Variants in JPH3 observed in about 807,000 individuals in gnomAD.
JPH3 encodes the protein junctophilin 3.
JPH3 carries 11 observed loss-of-function variants against 59.6 expected under a neutral mutation model. The observed-to-expected ratio is 0.18, with a 90% CI of 0.12 to 0.31. JPH3 has a LOEUF of 0.31. JPH3 is among the 10% of genes least tolerant of loss of function. JPH3 has a pLI of 1.00. For synonymous variants in JPH3, 673 were observed against 483.6 expected, an observed-to-expected ratio of 1.39 and a Z score of -5.14; for missense variants, 1,202 against 1,105.7, an observed-to-expected ratio of 1.09 and a Z score of -1.24.
intron 1 of JPH3, among the ~76,000 whole-genome samples, chr16:87,606,179 C>A (rs562726821): frequency 2.6e-5 from 4 of 152,160 alleles, no homozygotes; most frequent in Admixed American, 1.3e-4. Flanking sequence ...ACAGCCATGT[C>A]GCAGTGAGGA....
intron 1 of JPH3, among the ~76,000 whole-genome samples, chr16:87,621,042 C>T (rs900122571): frequency 6.6e-6 from 1 of 152,218 alleles, no homozygotes; most frequent in Non-Finnish European, 1.5e-5. Flanking sequence ...GCCTGTAGTC[C>T]CAGCTACTCA....
intron 1 of JPH3, among the ~76,000 whole-genome samples, chr16:87,633,349 G>A (rs1201718767): frequency 2.0e-5 from 3 of 146,442 alleles, no homozygotes; most frequent in Non-Finnish European, 4.5e-5. Context: ...CAAACAAGGT[G>A]ACATTCTAAG....
rs1161894369 is a variant in JPH3, at chr16:87,617,351, G to A, written c.382+13823G>A. On this transcript the variant is annotated intron_variant, in intron 1 of 4. Coordinates refer to ENST00000284262, the MANE Select transcript of JPH3 (RefSeq NM_020655.4). ...CTGTCCCTTGAAGGGCATCTGGGGT[G>A]TCTCCAGCGTGGGATGTCGTGAATT... Among the ~76,000 whole-genome samples, 3 of 152,192 alleles carry A rather than the reference G, an allele frequency of 2.0e-5. No individual in the cohort carries two copies. The East Asian group carries it at 5.8e-4, about 29-fold the overall frequency.
intron 2 of JPH3, among the ~76,000 whole-genome samples, chr16:87,675,358 C>G (rs2033118248): frequency 6.6e-6 from 1 of 152,176 alleles, no homozygotes; most frequent in South Asian, 2.1e-4. Context: ...GCTCATTGCT[C>G]CAGTGACCCC....
rs1051860524 is a variant in JPH3 at position 87,608,487 on chromosome 16, G to A, written c.382+4959G>A. On this transcript the variant is annotated intron_variant, in intron 1 of 4. Coordinates refer to ENST00000284262, the MANE Select transcript of JPH3 (RefSeq NM_020655.4). ...GCTTCATGGCTGTGAGAGGCCATGC[G>A]GTGGATGGAGCCACCGCTGCACTGG... 3.3e-5 allele frequency among the ~76,000 whole-genome samples: 5 copies of A among 152,190 alleles called. No homozygotes were observed. The East Asian group carries it at 5.8e-4, about 18-fold the overall frequency.
intron 2 of JPH3, among the ~76,000 whole-genome samples, chr16:87,651,086 C>A (rs1004676235): frequency 1.3e-5 from 2 of 152,202 alleles, no homozygotes; most frequent in African/African-American, 2.4e-5. Context: ...ATTGAACATT[C>A]CAAAAATCCT....
chr16:87,604,630 G>C (rs975617981), intron 1 of JPH3: 6 of 1,193,326 alleles, frequency 5.0e-6, no homozygotes, highest in Non-Finnish European at 6.3e-6. Context: ...CTGAGCGTAC[G>C]TGTGCTCTAG....
At chr16:87,629,244 C>G (rs935418320) in intron 1 of JPH3, among the ~76,000 whole-genome samples, 1 of 152,204 alleles carries the variant, frequency 6.6e-6, no homozygotes, top group South Asian at 2.1e-4. Flanking sequence ...GCTGGGGTTC[C>G]TGACTGCTGG....
At chr16:87,654,958 A>T (rs1224728061) in intron 2 of JPH3, 1 of 152,224 alleles carries the variant, frequency 6.6e-6, no homozygotes, top group Admixed American at 6.5e-5. Context: ...GGCTCCGGGA[A>T]AACGCTGTCA....
intron 2 of JPH3, among the ~76,000 whole-genome samples, chr16:87,674,952 G>GCAA (rs2033107408): frequency 6.6e-6 from 1 of 152,024 alleles, no homozygotes; most frequent in Non-Finnish European, 1.5e-5. Context: ...GTAGAGATGG[G>GCAA]GGTTTCACCA....
At chr16:87,619,683 T>G (rs976082727) in intron 1 of JPH3, among the ~76,000 whole-genome samples, 1 of 152,122 alleles carries the variant, frequency 6.6e-6, no homozygotes, top group Non-Finnish European at 1.5e-5. Flanking sequence ...CCACGGAGTC[T>G]GGGGGGATGT....
intron 1 of JPH3, among the ~76,000 whole-genome samples, chr16:87,640,154 C>G (rs1451249145): frequency 6.6e-6 from 1 of 152,024 alleles, no homozygotes; most frequent in Non-Finnish European, 1.5e-5. Flanking sequence ...TGGTGAAACC[C>G]TGTCTCTACT....
At chr16:87,688,022 C>T (rs930787797) in intron 3 of JPH3, among the ~76,000 whole-genome samples, 5 of 152,150 alleles carry the variant, frequency 3.3e-5, no homozygotes, top group East Asian at 1.9e-4. Flanking sequence ...AGGACCCTCA[C>T]GGGGAGAGAG....
At position 87,689,684 on chromosome 16, in the gene JPH3, G is replaced by A; in HGVS notation, c.1324G>A (p.Asp442Asn). 2 of 1,612,392 alleles carry A rather than the reference G, an allele frequency of 1.2e-6. No homozygotes were observed. The highest frequency in any genetic ancestry group is 1.7e-6 in the Non-Finnish European group (2 of 1,179,752). The part of the protein sequence containing the change: ...YQRPKRQTSC[D>N]DIEVLSTGTP... ...GAGGCCGAAGCGTCAGACCTCCTGT[G>A]ACGACATCGAGGTGCTGTCCACCGG... Residue 442 changes from aspartate to asparagine, a missense_variant, in exon 4 of 5, where the codon GAC becomes AAC. Transcript: ENST00000284262.
At chr16:87,635,705 C>T (rs72810147) in intron 1 of JPH3, among the ~76,000 whole-genome samples, 5,835 of 152,288 alleles carry the variant, frequency 0.038, 159 homozygotes, top group Middle Eastern at 0.061. Context: ...CCGCTCTCTG[C>T]GAGTCTGTGG....
At chr16:87,676,095 A>C (rs549929036) in intron 2 of JPH3, among the ~76,000 whole-genome samples, 1 of 152,260 alleles carries the variant, frequency 6.6e-6, no homozygotes, top group East Asian at 1.9e-4. Context: ...GCCTCAGTAA[A>C]TGTGCTAAAA....
chr16:87,652,210 C>T (rs189554208), intron 2 of JPH3, among the ~76,000 whole-genome samples: 2 of 152,244 alleles, frequency 1.3e-5, no homozygotes, highest in African/African-American at 4.8e-5. Context: ...CTCCTGACCT[C>T]GAGATCCGCC....
chr16:87,687,719 CTG>C (rs2033452069), intron 3 of JPH3, among the ~76,000 whole-genome samples: 2 of 152,186 alleles, frequency 1.3e-5, no homozygotes, highest in Non-Finnish European at 2.9e-5. Flanking sequence ...CTCATTCTAG[CTG>C]AGGGTGCCCT....
Position 87,696,948 on chromosome 16 carries a change from T to G in JPH3, c.*288T>G, listed in dbSNP as rs767332182. On this transcript the variant is annotated 3_prime_UTR_variant, in exon 5 of 5. Transcript: ENST00000284262. ...CAGCTCCACGTGGAGACAGAAGGGA[T>G]CCCGGCACATCAGTGGTAACAGCGG... is the stretch of plus-strand genomic sequence containing the variant. 1.2e-4 allele frequency: 50 copies of G among 420,398 alleles called. No individual in the cohort carries two copies. Among genetic ancestry groups the G allele is most frequent in the Non-Finnish European group, 1.9e-4 (42 of 225,040 alleles). The allele number at this position is 420,398 out of a possible 1,614,324, so 26.0% of individuals were successfully genotyped here. A position where few individuals can be genotyped will look rare whatever the true frequency, so the allele number is the denominator to read the frequency against.
Sources: gnomAD v4.1 joint callset for allele counts (sites outside exome capture counted in the v4.1 genomes callset) on GRCh38, gnomAD v4.1.1 for gene constraint, MANE v1.5 for transcripts, NCBI Gene and HGNC (gene_info 2026-07-23, HGNC 2026-07-21) for gene names.